The following XPOT variants were observed in gnomAD, a reference collection of about 807,000 sequenced individuals.
XPOT encodes the protein exportin for tRNA.
Under a neutral mutation model 128.2 loss-of-function variants are expected in XPOT, and 34 were observed. The observed-to-expected ratio is 0.27, with a 90% confidence interval of 0.20 to 0.35. The LOEUF is 0.35. XPOT is among the 10% of genes least tolerant of loss of function. The pLI is 1.00. For missense variants in XPOT, 838 were observed against 1,125.3 expected (o/e 0.74, Z 3.65); for synonymous variants, 348 against 394.3 (o/e 0.88, Z 1.39).
In XPOT at chr12:64,418,961, C is replaced by T; in HGVS notation, c.356C>T (p.Thr119Ile). 6.2e-7 allele frequency: 1 copy of T among 1,614,132 alleles called. No homozygotes were observed. The highest frequency in any genetic ancestry group is 8.5e-7 in the Non-Finnish European group (1 of 1,180,014). Residue 119 changes from threonine to isoleucine, a missense_variant, in exon 6 of 25, where the codon ACT becomes ATT. This residue lies in a region of XPOT where 761 missense variants were observed against 988.3 expected (regional missense o/e 0.77). Transcript: ENST00000332707. ...FALLFVTEYL[T>I]KWPKFFFDIL... ...TTGCTTTTTGTTACAGAGTATCTCA[C>T]TAAGTGGCCCAAGTTTTTTTTTGAC...
At chr12:64,409,704 C>T (rs2040019789) in intron 1 of XPOT, 2 of 224,950 alleles carry the variant, frequency 8.9e-6, no homozygotes, top group East Asian at 1.1e-4. Flanking sequence ...CACTGCACTC[C>T]AGCCTGGGCA....
rs567600437 is a variant in XPOT, at chr12:64,447,475, A to G, written c.2863-630A>G. On this transcript the variant is annotated intron_variant, in intron 24 of 24. Coordinates refer to ENST00000332707, the MANE Select transcript of XPOT (RefSeq NM_007235.6). ...TTAGCTTTGACTTGTTTCCTCCTCA[A>G]TATTTAATTTTTTTTTTTTTGAGAC... Among the ~76,000 whole-genome samples the G allele has an allele frequency of 3.3e-5, 5 of 152,114 alleles. No homozygotes were observed. The East Asian group carries it at 7.7e-4, about 24-fold the overall frequency.
At chr12:64,408,683 GT>G (rs888949582) in intron 1 of XPOT, among the ~76,000 whole-genome samples, 11 of 151,350 alleles carry the variant, frequency 7.3e-5, no homozygotes, top group Admixed American at 2.6e-4. Flanking sequence ...TGTGTGTTTT[GT>G]TTTTTTTGAG....
At position 64,451,038 on chromosome 12, in the gene XPOT, T is replaced by C. The variant is rs1238566926; in HGVS notation, c.*2907T>C. 3.9e-5 allele frequency: 6 copies of C among 152,244 alleles called. No homozygotes were observed. Among genetic ancestry groups the C allele is most frequent in the African/African-American group, 1.4e-4 (6 of 41,454 alleles). The allele number at this position is 152,244 out of a possible 1,614,324, so 9.4% of individuals were successfully genotyped here. ...TCAAAGAACTGAAATTAGTTGGAAT[T>C]GTAAGCAGTGAATAGATGTGTTGTT... On this transcript the variant is annotated 3_prime_UTR_variant, in exon 25 of 25. Transcript: ENST00000332707.
Position 64,409,984 on chromosome 12 carries a change from G to T in XPOT, c.-52G>T. ...CAGATGTTTATAAATTCTTCTGTGG[G>T]ATCAGAGGGCACGCCTATTACAACC... On this transcript the variant is annotated 5_prime_UTR_variant, in exon 2 of 25. Coordinates refer to ENST00000332707, the MANE Select transcript of XPOT (RefSeq NM_007235.6). 1 of 1,477,460 alleles carries T rather than the reference G, an allele frequency of 6.8e-7. No individual in the cohort carries two copies. The highest frequency in any genetic ancestry group is 1.4e-5 in the African/African-American group (1 of 71,988). The allele number at this position is 1,477,460 out of a possible 1,614,324, so 91.5% of individuals were successfully genotyped here.
At position 64,420,270 on chromosome 12, in the gene XPOT, A is replaced by G. The variant is rs751446546; in HGVS notation, c.674+16A>G. 1 of 1,587,096 alleles carries G rather than the reference A, an allele frequency of 6.3e-7. No individual in the cohort carries two copies. The highest frequency in any genetic ancestry group is 8.5e-7 in the Non-Finnish European group (1 of 1,169,850). On this transcript the variant is annotated intron_variant, in intron 7 of 24. Transcript: ENST00000332707. ...CCAATGATAGGTAAGTATGCCTATT[A>G]TTTTTATAGTATAAACTTGTAAAAT...
chr12:64,418,903 T>A lies in XPOT; in HGVS notation c.298T>A (p.Phe100Ile), dbSNP rs1489927981. The A allele has an allele frequency of 6.2e-7, 1 of 1,613,844 alleles. No homozygotes were observed. Among genetic ancestry groups the A allele is most frequent in the Admixed American group, 1.7e-5 (1 of 59,998 alleles). ...GCTGAATCCCCAACCAGAGAAGACC[T>A]TTATACGAAATAAAGCCGCCCAAGT... ...QMLNPQPEKT[F>I]IRNKAAQVFA... Residue 100 changes from phenylalanine (F) to isoleucine (I), a missense_variant, in exon 6 of 25, where the codon TTT (phenylalanine) becomes ATT (isoleucine). By Grantham distance (21) the Phe-to-Ile change is conservative. Coordinates refer to ENST00000332707, the MANE Select transcript of XPOT (RefSeq NM_007235.6).
rs530810184 is a variant in XPOT at position 64,419,514 on chromosome 12, C to T, written c.489+420C>T. On this transcript the variant is annotated intron_variant, in intron 6 of 24. Transcript: ENST00000332707. ...TGTATTTTTTGTAGAGATTGGGTTT[C>T]GCCAGGCTGTGCTCAAACTCCTGAC... 8.5e-5 allele frequency among the ~76,000 whole-genome samples: 13 copies of T among 152,134 alleles called. No individual in the cohort carries two copies. In the South Asian group the frequency reaches 1.2e-3, roughly 15 times the overall value.
chr12:64,448,292 A>G lies in XPOT; in HGVS notation c.*161A>G, dbSNP rs1033409736. ...CTGTAAAATGGGTGTAATTTTCCTA[A>G]TACAGGTATGTAACAACAAAAGAAG... On this transcript the variant is annotated 3_prime_UTR_variant, in exon 25 of 25. Coordinates refer to ENST00000332707, the MANE Select transcript of XPOT (RefSeq NM_007235.6). 10 of 673,666 alleles carry G rather than the reference A, an allele frequency of 1.5e-5. No homozygotes were observed. The Admixed American group carries it at 2.4e-4, about 16-fold the overall frequency. The allele number at this position is 673,666 out of a possible 1,614,324, so 41.7% of individuals were successfully genotyped here.
At chr12:64,440,962 C>T (rs1209557973) in intron 23 of XPOT, among the ~76,000 whole-genome samples, 1 of 152,126 alleles carries the variant, frequency 6.6e-6, no homozygotes, top group Non-Finnish European at 1.5e-5. Context: ...CTTCTTAATT[C>T]AATGTAGCCC....
intron 21 of XPOT, 69 bp from the exon 22 acceptor site, chr12:64,435,558 G>T: frequency 7.4e-7 from 1 of 1,358,476 alleles, no homozygotes. Flanking sequence ...GGCCAGGGTA[G>T]TAAAGAGAAG....
chr12:64,444,615 G>T (rs1226478430), intron 23 of XPOT, among the ~76,000 whole-genome samples: 1 of 152,130 alleles, frequency 6.6e-6, no homozygotes. Context: ...CACCAAAGCA[G>T]AAAGTGGTGG....
intron 9 of XPOT, 86 bp from the exon 10 acceptor site, chr12:64,422,919 A>G: frequency 7.4e-7 from 1 of 1,343,672 alleles, no homozygotes; most frequent in South Asian, 1.3e-5. Flanking sequence ...AAAAAAAAAA[A>G]CCAGGTCTTA....
intron 22 of XPOT, 133 bp from the exon 23 acceptor site, chr12:64,439,111 A>G (rs780153362): frequency 3.1e-5 from 23 of 744,924 alleles, no homozygotes; most frequent in Non-Finnish European, 5.1e-5. Flanking sequence ...AAACCAAGGC[A>G]GTCTGGCTCT....
chr12:64,416,268 G>C (rs1233735901), intron 3 of XPOT, among the ~76,000 whole-genome samples: 1 of 152,186 alleles, frequency 6.6e-6, no homozygotes. Context: ...GAACTACTGG[G>C]GTTGAATTTT....
intron 1 of XPOT, 178 bp from the exon 2 acceptor site, chr12:64,409,781 TAGC>T: frequency 2.1e-6 from 1 of 478,030 alleles, no homozygotes. Context: ...GTGGAGTAGT[TAGC>T]AGAGCCCATT....
rs1203224185 is a variant in XPOT, at chr12:64,434,677, T to C, written c.2569+54T>C. ...TTTCCCAAACTCTTTCATAAAACTC[T>C]TAGACATAATGGAACATAGCCCTAA... is the stretch of plus-strand genomic sequence containing the variant. On this transcript the variant is annotated intron_variant, in intron 20 of 24. Transcript: ENST00000332707. The C allele has an allele frequency of 1.9e-6, 3 of 1,559,098 alleles. No homozygotes were observed. The African/African-American group carries it at 4.1e-5, about 21-fold the overall frequency.
intron 1 of XPOT, among the ~76,000 whole-genome samples, chr12:64,409,400 C>G (rs1250004689): frequency 2.0e-5 from 3 of 152,134 alleles, no homozygotes; most frequent in Non-Finnish European, 4.4e-5. Context: ...TTAAGAAGAT[C>G]TTGAAGACTA....
At position 64,421,438 on chromosome 12, in the gene XPOT, A is replaced by G. The variant is rs777518529; in HGVS notation, c.1047A>G (p.Gly349=). Residue 349 remains glycine, a synonymous_variant, in exon 9 of 25, where the codon GGA becomes GGG. Coordinates refer to ENST00000332707, the MANE Select transcript of XPOT (RefSeq NM_007235.6). ...EDDDISSNII[G]FCYDYLHILK... ...ATGATATTTCTTCTAATATTATTGGATTTTGTTACGATTATCTTCATATTT... is the reference window on the plus strand; with the variant it reads ...ATGATATTTCTTCTAATATTATTGGGTTTTGTTACGATTATCTTCATATTT... The G allele has an allele frequency of 4.3e-6, 7 of 1,613,434 alleles. No individual in the cohort carries two copies. Among genetic ancestry groups the G allele is most frequent in the Admixed American group, 3.3e-5 (2 of 60,014 alleles).
Sources: allele counts gnomAD v4.1 joint callset (sites outside exome capture counted in the v4.1 genomes callset), GRCh38; gene constraint gnomAD v4.1.1; regional missense constraint gnomAD v4.1.1; transcripts MANE v1.5; gene names NCBI Gene and HGNC (gene_info 2026-07-23, HGNC 2026-07-21).